TAF1B: variants seen among roughly 807,000 people sequenced by gnomAD.
The protein encoded by TAF1B is TATA-box binding protein associated factor, RNA polymerase I subunit B.
A neutral mutation model predicts 83.9 loss-of-function variants in TAF1B; 61 were observed. That is an observed-to-expected ratio of 0.73 (90% CI 0.59 to 0.90). The LOEUF (loss-of-function observed/expected upper bound fraction) is 0.90, where lower values mean the gene tolerates loss of function less well. Ranked by LOEUF, TAF1B falls within the 40% of genes least tolerant of loss-of-function variation. TAF1B has a pLI of 0.00. For synonymous variants in TAF1B, 221 were observed against 224.6 expected, an observed-to-expected ratio of 0.98 and a Z score of 0.14; for missense variants, 625 against 677.0, an observed-to-expected ratio of 0.92 and a Z score of 0.85.
intron 14 of TAF1B, among the ~76,000 whole-genome samples, chr2:9,928,765 A>T (rs971500650): frequency 2.0e-5 from 3 of 152,212 alleles, no homozygotes; most frequent in African/African-American, 7.2e-5. Flanking sequence ...TTGGGCTGAG[A>T]TGATGGGGTT....
Position 9,848,613 on chromosome 2 carries a change from CAG to C in TAF1B, c.118-756_118-755del, listed in dbSNP as rs537010235. Among the ~76,000 whole-genome samples, 29 of 151,602 alleles carry C rather than the reference CAG, an allele frequency of 1.9e-4. No individual in the cohort carries two copies. The South Asian group carries it at 5.6e-3, about 29-fold the overall frequency. On this transcript the variant is annotated intron_variant, in intron 2 of 14. Transcript: ENST00000263663. ...CCTGGGAGGCAAAGGTTGAAGTGAGCAGAGATCGCACCATTGCACTCCAGCCT... is the reference window on the plus strand; with the variant it reads ...CCTGGGAGGCAAAGGTTGAAGTGAGCAGATCGCACCATTGCACTCCAGCCT...
At chr2:9,890,982 G>T (rs1023333076) in intron 8 of TAF1B, among the ~76,000 whole-genome samples, 1 of 152,134 alleles carries the variant, frequency 6.6e-6, no homozygotes, top group Non-Finnish European at 1.5e-5. Flanking sequence ...ATGTTGGTCA[G>T]GCTGGTCTCG....
At chr2:9,896,956 G>A (rs1665038428) in intron 8 of TAF1B, among the ~76,000 whole-genome samples, 1 of 152,168 alleles carries the variant, frequency 6.6e-6, no homozygotes, top group South Asian at 2.1e-4. Flanking sequence ...CTGAGCCCAA[G>A]TAGATAGCCA....
intron 8 of TAF1B, among the ~76,000 whole-genome samples, chr2:9,893,947 T>C (rs998278131): frequency 1.3e-5 from 2 of 152,194 alleles, no homozygotes; most frequent in African/African-American, 2.4e-5. Context: ...ACAGATATAG[T>C]ATATGTATTC....
chr2:9,857,413 AAG>A (rs1663598714), intron 5 of TAF1B, among the ~76,000 whole-genome samples: 1 of 152,154 alleles, frequency 6.6e-6, no homozygotes, highest in African/African-American at 2.4e-5. Flanking sequence ...ATGTGAGAGA[AAG>A]AGAGGAATAG....
chr2:9,925,878 T>C (rs1256500274), intron 14 of TAF1B, among the ~76,000 whole-genome samples: 1 of 152,118 alleles, frequency 6.6e-6, no homozygotes, highest in African/African-American at 2.4e-5. Context: ...CCCAACCAAG[T>C]GGCAGAGTTT....
chr2:9,851,027 C>T (rs1005874951), intron 3 of TAF1B, among the ~76,000 whole-genome samples: 50 of 152,166 alleles, frequency 3.3e-4, no homozygotes, highest in African/African-American at 1.1e-3. Context: ...ATCATGAGAT[C>T]GTGACATTCG....
intron 14 of TAF1B, among the ~76,000 whole-genome samples, chr2:9,922,888 T>A (rs1445310899): frequency 6.6e-6 from 1 of 152,226 alleles, no homozygotes; most frequent in African/African-American, 2.4e-5. Flanking sequence ...ACATAGTAAG[T>A]ACTCAATCAA....
chr2:9,920,978 T>C (rs1335619141), intron 14 of TAF1B, among the ~76,000 whole-genome samples: 2 of 152,202 alleles, frequency 1.3e-5, no homozygotes, highest in Non-Finnish European at 2.9e-5. Flanking sequence ...ATCGGCTCTG[T>C]GGCATACTGG....
intron 8 of TAF1B, among the ~76,000 whole-genome samples, chr2:9,888,485 T>C (rs1664746516): frequency 6.6e-6 from 1 of 152,170 alleles, no homozygotes; most frequent in Non-Finnish European, 1.5e-5. Flanking sequence ...TGGCAGTGAA[T>C]TATTGTTGCT....
At position 9,854,353 on chromosome 2, in the gene TAF1B, C is replaced by T. The variant is rs751531546; in HGVS notation, c.331C>T (p.Arg111Cys). Residue 111 changes from arginine (R) to cysteine (C), a missense_variant, in exon 5 of 15, where the codon CGC becomes TGC. Coordinates refer to ENST00000263663, the MANE Select transcript of TAF1B (RefSeq NM_005680.3). Reference sequence around the variant, plus strand: ...CGATGTTTTACATAATTTTTGGAAGCGCTACCTTCAGAAGAGCAAGCAGGC... The same window carrying T: ...CGATGTTTTACATAATTTTTGGAAGTGCTACCTTCAGAAGAGCAAGCAGGC... Reference protein sequence around the residue: ...KNDVLHNFWKRYLQKSKQAYC... With the variant: ...KNDVLHNFWKCYLQKSKQAYC... 1.1e-5 allele frequency: 17 copies of T among 1,613,846 alleles called. No homozygotes were observed. The highest frequency in any genetic ancestry group is 6.7e-5 in the East Asian group (3 of 44,862).
intron 14 of TAF1B, 117 bp from the exon 15 acceptor site, chr2:9,933,666 T>G: frequency 1.2e-6 from 1 of 806,200 alleles, no homozygotes; most frequent in Non-Finnish European, 1.9e-6. Flanking sequence ...CTCAGGGTCC[T>G]GTTTTAAGCC....
chr2:9,921,718 G>A (rs976153120), intron 14 of TAF1B, among the ~76,000 whole-genome samples: 10 of 152,126 alleles, frequency 6.6e-5, no homozygotes, highest in African/African-American at 2.4e-4. Context: ...GTATACAGGT[G>A]TTTACCATAA....
rs1665303902 is a variant in TAF1B, at chr2:9,905,143, C to G, written c.955+137C>G. On this transcript the variant is annotated intron_variant, in intron 9 of 14. Coordinates refer to ENST00000263663, the MANE Select transcript of TAF1B (RefSeq NM_005680.3). ...GTTACATGAAACTTAATGTCAAAATCCTTTCTTAAAATAATTCAGACCTTT... is the reference window on the plus strand; with the variant it reads ...GTTACATGAAACTTAATGTCAAAATGCTTTCTTAAAATAATTCAGACCTTT... The G allele has an allele frequency of 7.4e-6, 5 of 672,608 alleles. No individual in the cohort carries two copies. In the South Asian group the frequency reaches 1.6e-4, roughly 22 times the overall value. 41.7% of individuals were successfully genotyped at this position (672,608 alleles called of 1,614,324 possible). A position where few individuals can be genotyped will look rare whatever the true frequency, so the allele number is the denominator to read the frequency against.
intron 13 of TAF1B, 139 bp downstream of exon 13, chr2:9,919,250 A>C (rs2125178596): frequency 1.5e-6 from 1 of 684,610 alleles, no homozygotes; most frequent in Middle Eastern, 3.8e-4. Context: ...CATCCAAAGG[A>C]GCATCATACT....
intron 14 of TAF1B, among the ~76,000 whole-genome samples, chr2:9,929,436 G>T (rs996716681): frequency 6.6e-6 from 1 of 152,094 alleles, no homozygotes; most frequent in Non-Finnish European, 1.5e-5. Flanking sequence ...GGGATTACAG[G>T]CGCGAGCCAC....
intron 9 of TAF1B, among the ~76,000 whole-genome samples, chr2:9,907,505 T>G (rs1005035376): frequency 6.6e-6 from 1 of 152,062 alleles, no homozygotes; most frequent in African/African-American, 2.4e-5. Flanking sequence ...CTCAACGCCT[T>G]TAAAGGTGAC....
At chr2:9,909,404 G>A (rs942784408) in intron 9 of TAF1B, among the ~76,000 whole-genome samples, 2 of 152,274 alleles carry the variant, frequency 1.3e-5, no homozygotes. Context: ...TCTAAGATGA[G>A]TGAGCTTCAG....
chr2:9,889,808 G>C (rs1664809643), intron 8 of TAF1B, among the ~76,000 whole-genome samples: 1 of 151,992 alleles, frequency 6.6e-6, no homozygotes, highest in African/African-American at 2.4e-5. Context: ...GACTATTTTA[G>C]CCTCACTACT....
Sources: gnomAD v4.1 joint callset for allele counts (sites outside exome capture counted in the v4.1 genomes callset) on GRCh38, gnomAD v4.1.1 for gene constraint, MANE v1.5 for transcripts, NCBI Gene and HGNC (gene_info 2026-07-23, HGNC 2026-07-21) for gene names.